The following EXOC6B variants were observed in gnomAD, a reference collection of about 807,000 sequenced individuals.
The protein encoded by EXOC6B is SEC15 homolog B.
A neutral mutation model predicts 113.5 loss-of-function variants in EXOC6B; 54 were observed. That is an observed-to-expected ratio of 0.48 (90% CI 0.38 to 0.60). EXOC6B has a LOEUF of 0.60. EXOC6B is among the 20% of genes least tolerant of loss of function. EXOC6B has a pLI of 0.00. For synonymous variants in EXOC6B, 357 were observed against 339.0 expected (o/e 1.05, Z -0.58); for missense variants, 797 against 977.5 (o/e 0.82, Z 2.46).
intron 18 of EXOC6B, among the ~76,000 whole-genome samples, chr2:72,452,113 T>C (rs1391872522): frequency 6.6e-6 from 1 of 152,220 alleles, no homozygotes; most frequent in Non-Finnish European, 1.5e-5. Context: ...ATTTTCTTCC[T>C]TTTGAACTTG....
At chr2:72,709,658 G>C (rs2063170) in intron 6 of EXOC6B, among the ~76,000 whole-genome samples, 35 of 152,032 alleles carry the variant, frequency 2.3e-4, no homozygotes, top group African/African-American at 8.4e-4. Flanking sequence ...AAGGCCAAGA[G>C]CCCAAAATTA....
At chr2:72,381,778 G>A (rs1013174504) in intron 18 of EXOC6B, among the ~76,000 whole-genome samples, 4 of 152,052 alleles carry the variant, frequency 2.6e-5, no homozygotes, top group African/African-American at 7.2e-5. Context: ...CAGATATTTC[G>A]TAGAGTATTA....
At chr2:72,396,873 C>T (rs374265056) in intron 18 of EXOC6B, among the ~76,000 whole-genome samples, 1 of 151,532 alleles carries the variant, frequency 6.6e-6, no homozygotes, top group South Asian at 2.1e-4. Context: ...TTTGTAATAA[C>T]AGGTGATGCT....
chr2:72,454,287 T>C (rs1348214316), intron 18 of EXOC6B, among the ~76,000 whole-genome samples: 1 of 152,122 alleles, frequency 6.6e-6, no homozygotes, highest in African/African-American at 2.4e-5. Context: ...GAGGATCACT[T>C]GAGCCCAGAA....
intron 19 of EXOC6B, among the ~76,000 whole-genome samples, chr2:72,363,893 T>C (rs1349274387): frequency 6.6e-6 from 1 of 152,122 alleles, no homozygotes; most frequent in Non-Finnish European, 1.5e-5. Flanking sequence ...CCTAGCTGAA[T>C]ATCTCAGGCT....
chr2:72,487,295 C>G (rs776826240), intron 16 of EXOC6B, among the ~76,000 whole-genome samples: 7 of 152,158 alleles, frequency 4.6e-5, no homozygotes, highest in Non-Finnish European at 8.8e-5. Flanking sequence ...AGTCTCTGGT[C>G]TGTGACAGTT....
At chr2:72,285,581 G>A (rs1401516117) in intron 20 of EXOC6B, among the ~76,000 whole-genome samples, 1 of 151,954 alleles carries the variant, frequency 6.6e-6, no homozygotes, top group African/African-American at 2.4e-5. Flanking sequence ...AATTAGCAAT[G>A]ACTTCTTTTT....
At chr2:72,806,220 A>C (rs1685567578) in intron 1 of EXOC6B, among the ~76,000 whole-genome samples, 2 of 151,992 alleles carry the variant, frequency 1.3e-5, no homozygotes, top group Admixed American at 6.6e-5. Flanking sequence ...TACTATTCCC[A>C]CCTTTATGTC....
At chr2:72,740,828 C>T (rs1681261013) in intron 2 of EXOC6B, among the ~76,000 whole-genome samples, 1 of 152,144 alleles carries the variant, frequency 6.6e-6, no homozygotes, top group Non-Finnish European at 1.5e-5. Context: ...CTTGGCTGGG[C>T]GTGGTGGCTC....
At chr2:72,623,499 A>G (rs1037878761) in intron 6 of EXOC6B, among the ~76,000 whole-genome samples, 7 of 152,210 alleles carry the variant, frequency 4.6e-5, no homozygotes, top group South Asian at 4.1e-4. Flanking sequence ...CCAAACTGAA[A>G]AACAGAATAC....
At chr2:72,382,750 T>C (rs746209895) in intron 18 of EXOC6B, among the ~76,000 whole-genome samples, 1 of 152,166 alleles carries the variant, frequency 6.6e-6, no homozygotes, top group Non-Finnish European at 1.5e-5. Flanking sequence ...TTCATGTCCA[T>C]GGTTAGCTGT....
intron 6 of EXOC6B, among the ~76,000 whole-genome samples, chr2:72,697,011 A>G (rs1677930001): frequency 6.6e-6 from 1 of 152,168 alleles, no homozygotes; most frequent in Admixed American, 6.5e-5. Flanking sequence ...AGGAATTTAA[A>G]TGTATTATTA....
Position 72,498,480 on chromosome 2 carries a change from CAG to C in EXOC6B, c.1309_1310del (p.Leu437AlafsTer13). ...LEIRDQYSET[L>X]LKKWAGIFRN... ...TGAAAATACCTGCCCACTTCTTTAG[CAG>C]AGTTTCACTATATTGGTCTCTGATT... On this transcript the variant is annotated frameshift_variant, in exon 13 of 22. Coordinates refer to ENST00000272427, the MANE Select transcript of EXOC6B (RefSeq NM_015189.3). LOFTEE classifies it high-confidence loss of function. The C allele has an allele frequency of 6.2e-7, 1 of 1,611,374 alleles. No individual in the cohort carries two copies. The highest frequency in any genetic ancestry group is 8.5e-7 in the Non-Finnish European group (1 of 1,178,852).
At chr2:72,513,401 A>G in intron 10 of EXOC6B, 149 bp from the exon 11 acceptor site, 3 of 1,009,860 alleles carry the variant, frequency 3.0e-6, no homozygotes, top group Non-Finnish European at 4.3e-6. Flanking sequence ...GAATAAATGA[A>G]ATCAGACTAC....
intron 20 of EXOC6B, among the ~76,000 whole-genome samples, chr2:72,212,670 C>G (rs771998561): frequency 6.6e-6 from 1 of 152,194 alleles, no homozygotes; most frequent in African/African-American, 2.4e-5. Flanking sequence ...AGAAGCAGAG[C>G]TCAAGCCAAG....
chr2:72,794,437 A>G (rs1334722707), intron 1 of EXOC6B, among the ~76,000 whole-genome samples: 2 of 152,176 alleles, frequency 1.3e-5, no homozygotes, highest in Non-Finnish European at 2.9e-5. Context: ...TATTACCCAG[A>G]TATCTTGAGG....
intron 20 of EXOC6B, among the ~76,000 whole-genome samples, chr2:72,229,124 T>C (rs908726743): frequency 9.2e-5 from 14 of 152,202 alleles, no homozygotes; most frequent in Non-Finnish European, 1.6e-4. Flanking sequence ...TTTGTTTTTT[T>C]CTTGTAAATT....
chr2:72,618,318 G>T (rs554264528), intron 6 of EXOC6B, among the ~76,000 whole-genome samples: 1 of 152,008 alleles, frequency 6.6e-6, no homozygotes, highest in Admixed American at 6.5e-5. Context: ...GCAGTAAGCC[G>T]AAATCGCACC....
chr2:72,230,589 A>G (rs1178316990), intron 20 of EXOC6B, among the ~76,000 whole-genome samples: 1 of 152,320 alleles, frequency 6.6e-6, no homozygotes, highest in East Asian at 1.9e-4. Flanking sequence ...CCTGGTCCAT[A>G]TATTTAAATG....
Sources: allele counts gnomAD v4.1 joint callset (sites outside exome capture counted in the v4.1 genomes callset), GRCh38; gene constraint gnomAD v4.1.1; transcripts MANE v1.5; gene names NCBI Gene and HGNC (gene_info 2026-07-23, HGNC 2026-07-21).